MRAS: variants seen among roughly 807,000 people sequenced by gnomAD.
The protein encoded by MRAS is ras-related protein M-Ras.
A neutral mutation model predicts 20.9 loss-of-function variants in MRAS; 4 were observed. The ratio of observed to expected loss-of-function variants is 0.19; its 90% CI spans 0.09 to 0.44. The LOEUF is 0.44. Among genes scored for constraint, MRAS ranks in the 20% least tolerant of loss-of-function variants. The pLI, the probability that MRAS is intolerant of heterozygous loss-of-function variation, is 0.99. For synonymous variants in MRAS, 98 were observed against 102.9 expected, an observed-to-expected ratio of 0.95 and a Z score of 0.29; for missense variants, 154 against 277.5, an observed-to-expected ratio of 0.56 and a Z score of 3.16.
chr3:138,401,218 G>T (rs1221556544), intron 5 of MRAS, among the ~76,000 whole-genome samples: 1 of 152,148 alleles, frequency 6.6e-6, no homozygotes, highest in Non-Finnish European at 1.5e-5. Context: ...TGCATCCGCT[G>T]TCACCAAGCT....
At chr3:138,368,267 AGAGT>A (rs2054603585) in intron 1 of MRAS, among the ~76,000 whole-genome samples, 1 of 152,092 alleles carries the variant, frequency 6.6e-6, no homozygotes, top group Non-Finnish European at 1.5e-5. Flanking sequence ...GGAATGAGAG[AGAGT>A]GTGTGTGTGT....
chr3:138,395,267 C>A (rs1390903828), intron 2 of MRAS, among the ~76,000 whole-genome samples: 1 of 152,078 alleles, frequency 6.6e-6, no homozygotes, highest in African/African-American at 2.4e-5. Context: ...GAACTCCTGA[C>A]CTCAGGTGAT....
At chr3:138,378,842 T>G (rs1483978047) in intron 2 of MRAS, among the ~76,000 whole-genome samples, 1 of 152,172 alleles carries the variant, frequency 6.6e-6, no homozygotes, top group African/African-American at 2.4e-5. Context: ...CTTCCTCAAC[T>G]GAAACTCTGT....
chr3:138,355,023 G>A (rs1127), intron 1 of MRAS, among the ~76,000 whole-genome samples: 9 of 151,974 alleles, frequency 5.9e-5, no homozygotes, highest in Admixed American at 3.9e-4. Context: ...GGTGTCAAGC[G>A]ATCCTCCCAC....
chr3:138,368,362 A>G (rs895341481), intron 1 of MRAS, among the ~76,000 whole-genome samples: 2 of 152,096 alleles, frequency 1.3e-5, no homozygotes, highest in Non-Finnish European at 2.9e-5. Flanking sequence ...TGAGAAAGTG[A>G]GCATTTGGGC....
At chr3:138,383,807 G>C (rs2054954348) in intron 2 of MRAS, among the ~76,000 whole-genome samples, 1 of 152,160 alleles carries the variant, frequency 6.6e-6, no homozygotes. Context: ...TGGGGTGAGG[G>C]GACAGAGCAT....
At chr3:138,361,711 G>C (rs1381388306) in intron 1 of MRAS, among the ~76,000 whole-genome samples, 2 of 152,150 alleles carry the variant, frequency 1.3e-5, no homozygotes, top group East Asian at 3.9e-4. Context: ...CCAGGCTCTG[G>C]GGAGGCCAAG....
chr3:138,394,669 A>G (rs1474341187), intron 2 of MRAS, among the ~76,000 whole-genome samples: 2 of 152,192 alleles, frequency 1.3e-5, no homozygotes, highest in Non-Finnish European at 2.9e-5. Context: ...GCCTGTGTCA[A>G]AAACTGAGTC....
At chr3:138,367,637 G>A (rs564552729) in intron 1 of MRAS, among the ~76,000 whole-genome samples, 4 of 152,342 alleles carry the variant, frequency 2.6e-5, no homozygotes, top group Non-Finnish European at 5.9e-5. Flanking sequence ...AGGGAGGCCC[G>A]TGTGGGTAGA....
intron 1 of MRAS, among the ~76,000 whole-genome samples, chr3:138,369,008 C>T (rs565249257): frequency 6.6e-6 from 1 of 152,278 alleles, no homozygotes; most frequent in African/African-American, 2.4e-5. Flanking sequence ...GTTTCTAGCT[C>T]ACACTTGATT....
intron 2 of MRAS, among the ~76,000 whole-genome samples, chr3:138,378,967 G>T (rs1279858555): frequency 6.6e-6 from 1 of 151,938 alleles, no homozygotes; most frequent in Non-Finnish European, 1.5e-5. Flanking sequence ...TGAGGGCATG[G>T]TAATGATCAA....
intron 2 of MRAS, among the ~76,000 whole-genome samples, chr3:138,395,395 G>C (rs757549682): frequency 1.3e-5 from 2 of 152,094 alleles, no homozygotes; most frequent in African/African-American, 2.4e-5. Flanking sequence ...TTAGAACCAA[G>C]TGAAACTTAC....
chr3:138,348,736 G>A lies in MRAS; in HGVS notation c.-50G>A, dbSNP rs1188429885. The A allele has an allele frequency of 6.6e-6, 1 of 151,692 alleles. No homozygotes were observed. Among genetic ancestry groups the A allele is most frequent in the Non-Finnish European group, 1.5e-5 (1 of 67,902 alleles). 9.4% of individuals were successfully genotyped at this position (151,692 alleles called of 1,614,324 possible). The stretch of plus-strand genomic sequence containing the variant: ...CGCAGGCTAGGAGGGGGCGGCCTGA[G>A]TGCCGTAGCCGAGCCGGGGCTGGAG... On this transcript the variant is annotated 5_prime_UTR_variant, in exon 1 of 6. In the 5' UTR this introduces an upstream ATG that the reference lacks. Transcript: ENST00000423968.
chr3:138,375,055 A>AT (rs916206898), intron 2 of MRAS, among the ~76,000 whole-genome samples: 2 of 151,846 alleles, frequency 1.3e-5, no homozygotes, highest in African/African-American at 4.8e-5. Context: ...CTAATATTTT[A>AT]TTTTTTTGTG....
chr3:138,398,350 G>T (rs2055284976), intron 3 of MRAS, 119 bp from the exon 4 acceptor site: 2 of 800,376 alleles, frequency 2.5e-6, no homozygotes, highest in Non-Finnish European at 4.3e-6. Context: ...CTGCAGTCCA[G>T]GCTGACTGGG....
intron 1 of MRAS, among the ~76,000 whole-genome samples, chr3:138,370,722 T>A (rs2054657884): frequency 6.6e-6 from 1 of 152,216 alleles, no homozygotes; most frequent in South Asian, 2.1e-4. Context: ...TTTATTTTCC[T>A]GGGAGCATTT....
chr3:138,365,848 G>T (rs945049037), intron 1 of MRAS, among the ~76,000 whole-genome samples: 9 of 152,120 alleles, frequency 5.9e-5, no homozygotes, highest in African/African-American at 9.7e-5. Context: ...CTCTGGGAAT[G>T]GGGGGGAGCA....
rs2054711552 is a variant in MRAS at position 138,373,212 on chromosome 3, C to A, written c.193+136C>A. 7 of 851,758 alleles carry A rather than the reference C, an allele frequency of 8.2e-6. No individual in the cohort carries two copies. In the South Asian group the frequency reaches 1.2e-4, roughly 14 times the overall value. The allele number at this position is 851,758 out of a possible 1,614,324, so 52.8% of individuals were successfully genotyped here. A position where few individuals can be genotyped will look rare whatever the true frequency, so the allele number is the denominator to read the frequency against. ...GGATGGTTGATATAAAGCCGTGTGT[C>A]GTTTTCAGGGTGAATTCTCAACAGG... is the stretch of plus-strand genomic sequence containing the variant. On this transcript the variant is annotated intron_variant, in intron 2 of 5. Coordinates refer to ENST00000423968, the MANE Select transcript of MRAS (RefSeq NM_001085049.3).
intron 1 of MRAS, among the ~76,000 whole-genome samples, chr3:138,353,671 C>A (rs1176964014): frequency 1.3e-5 from 2 of 152,232 alleles, no homozygotes; most frequent in Non-Finnish European, 2.9e-5. Context: ...ATCCTTGCAG[C>A]CACCCACCTA....
Sources: gnomAD v4.1 joint callset for allele counts (sites outside exome capture counted in the v4.1 genomes callset) on GRCh38, gnomAD v4.1.1 for gene constraint, MANE v1.5 for transcripts, NCBI Gene and HGNC (gene_info 2026-07-23, HGNC 2026-07-21) for gene names.